Variants in CR1 observed in about 807,000 individuals in gnomAD.
CR1 encodes complement receptor type 1.
In CR1, 116 loss-of-function variants were observed where a neutral mutation model predicts 187.3. That is an observed-to-expected ratio of 0.62 (90% CI 0.53 to 0.72). The LOEUF is 0.72. Among genes scored for constraint, CR1 ranks in the 30% least tolerant of loss-of-function variants. The probability of loss-of-function intolerance (pLI) is 0.00; values close to 1 mark genes in which losing one functional copy is unlikely to be tolerated. For synonymous variants in CR1, 576 were observed against 747.1 expected, an observed-to-expected ratio of 0.77 and a Z score of 3.73; for missense variants, 1,731 against 2,110.7, an observed-to-expected ratio of 0.82 and a Z score of 3.52.
chr1:207,515,159 A>ATATACATG (rs1659756000), intron 4 of CR1, among the ~76,000 whole-genome samples: 1 of 67,404 alleles, frequency 1.5e-5, no homozygotes, highest in African/African-American at 4.8e-5. Flanking sequence ...ATATATACAT[A>ATATACATG]TACATATATA....
At chr1:207,505,753 TTGAACCC>T (rs1303441270) in intron 1 of CR1, 144 bp from the exon 2 acceptor site, 1 of 796,252 alleles carries the variant, frequency 1.3e-6, no homozygotes, top group Non-Finnish European at 1.9e-6. Flanking sequence ...GGACAATTGC[TTGAACCC>T]AAGAGGCGGA....
intron 46 of CR1, among the ~76,000 whole-genome samples, chr1:207,637,093 A>G (rs985628449): frequency 7.9e-5 from 12 of 152,248 alleles, no homozygotes; most frequent in Non-Finnish European, 1.3e-4. Context: ...ATGAGGCCAC[A>G]GTAAGCCTCC....
At chr1:207,504,417 C>G (rs771807028) in intron 1 of CR1, among the ~76,000 whole-genome samples, 8 of 151,422 alleles carry the variant, frequency 5.3e-5, no homozygotes, top group Non-Finnish European at 8.8e-5. Context: ...ATCCTAATAA[C>G]CTCAAAATAT....
At chr1:207,520,309 C>T (rs1013454172) in intron 4 of CR1, among the ~76,000 whole-genome samples, 4 of 152,236 alleles carry the variant, frequency 2.6e-5, no homozygotes, top group African/African-American at 4.8e-5. Context: ...ACTTGACTAG[C>T]GTCCCTGACC....
Position 207,584,829 on chromosome 1 carries a change from G to C in CR1, c.5483G>C (p.Gly1828Ala), listed in dbSNP as rs781014972. ...IRCTSDPHGN[G>A]VWSSPAPRCE... ...TGCACAAGTGACCCTCATGGGAATG[G>C]GGTTTGGAGCAGCCCTGCCCCTCGC... The change falls in exon 33 of 47, where the codon GGG becomes GCG. Residue 1828 changes from glycine (G) to alanine (A), a missense_variant. Transcript: ENST00000367049. 2 of 1,613,942 alleles carry C rather than the reference G, an allele frequency of 1.2e-6. No homozygotes were observed. The highest frequency in any genetic ancestry group is 1.7e-6 in the Non-Finnish European group (2 of 1,179,876).
At chr1:207,622,909 G>C in intron 44 of CR1, 84 bp from the exon 45 acceptor site, 1 of 898,526 alleles carries the variant, frequency 1.1e-6, no homozygotes, top group Non-Finnish European at 1.7e-6. Flanking sequence ...TTGGCAATCT[G>C]TAGTGGGACT....
intron 27 of CR1, among the ~76,000 whole-genome samples, chr1:207,574,089 C>G (rs756928565): frequency 1.6e-4 from 24 of 152,290 alleles, no homozygotes; most frequent in African/African-American, 4.8e-4. Flanking sequence ...GCCTTGATGG[C>G]AACCTGCACT....
At chr1:207,624,941 A>G (rs1662435478) in intron 45 of CR1, among the ~76,000 whole-genome samples, 1 of 152,198 alleles carries the variant, frequency 6.6e-6, no homozygotes, top group African/African-American at 2.4e-5. Flanking sequence ...TCTTGGAAGT[A>G]TTCAAGATAC....
At chr1:207,510,736 T>TCCTA (rs1277656175) in intron 3 of CR1, among the ~76,000 whole-genome samples, 9 of 150,716 alleles carry the variant, frequency 6.0e-5, no homozygotes, top group African/African-American at 2.2e-4. Context: ...CTTCCTTCCT[T>TCCTA]CCTTCCTTCT....
intron 46 of CR1, among the ~76,000 whole-genome samples, chr1:207,638,212 C>T (rs1363453931): frequency 6.6e-6 from 1 of 152,190 alleles, no homozygotes; most frequent in African/African-American, 2.4e-5. Flanking sequence ...GTATGTGAAA[C>T]TTTCCACTGA....
intron 35 of CR1, among the ~76,000 whole-genome samples, chr1:207,589,399 A>G (rs558547154): frequency 6.6e-6 from 1 of 152,250 alleles, no homozygotes; most frequent in African/African-American, 2.4e-5. Context: ...TAACAAACAT[A>G]AAGGAATAGC....
intron 1 of CR1, among the ~76,000 whole-genome samples, chr1:207,498,656 A>T (rs1180603841): frequency 6.6e-6 from 1 of 152,086 alleles, no homozygotes; most frequent in Non-Finnish European, 1.5e-5. Context: ...AGGTGGGTGG[A>T]TCACCTCAAG....
rs371731619 is a variant in CR1, at chr1:207,511,643, C to T, written c.476C>T (p.Pro159Leu). The part of the protein sequence containing the change: ...GDTVIWDNET[P>L]ICDRIPCGLP... Reference sequence around the variant, plus strand: ...ACTGTCATTTGGGATAATGAAACACCTATTTGTGACAGTGAGTTGAAATAT... The same window carrying T: ...ACTGTCATTTGGGATAATGAAACACTTATTTGTGACAGTGAGTTGAAATAT... Residue 159 changes from proline (P) to leucine (L), a missense_variant, in exon 4 of 47, where the codon CCT becomes CTT. Pro to Leu is a moderately conservative substitution (Grantham distance 98). Coordinates refer to ENST00000367049, the MANE Select transcript of CR1 (RefSeq NM_000651.6). 5 of 1,612,390 alleles carry T rather than the reference C, an allele frequency of 3.1e-6. No individual in the cohort carries two copies. In the African/African-American group the frequency reaches 5.3e-5, roughly 17 times the overall value.
chr1:207,544,482 G>C (rs1660255560), intron 13 of CR1, among the ~76,000 whole-genome samples: 1 of 51,508 alleles, frequency 1.9e-5, no homozygotes, highest in Non-Finnish European at 3.6e-5. Context: ...GTCCAGAAAA[G>C]GGAACTGATC....
chr1:207,638,539 A>ACG (rs1662884340), intron 46 of CR1, among the ~76,000 whole-genome samples: 1 of 152,184 alleles, frequency 6.6e-6, no homozygotes, highest in African/African-American at 2.4e-5. Flanking sequence ...ATGGCCTTAC[A>ACG]CGCAGGTCTG....
chr1:207,510,767 T>TTCCTTCCTTCCTTCCTTCCG (rs1659587118), intron 3 of CR1, among the ~76,000 whole-genome samples: 1 of 150,390 alleles, frequency 6.6e-6, no homozygotes, highest in Non-Finnish European at 1.5e-5. Flanking sequence ...CCTTCCTTCC[T>TTCCTTCCTTCCTTCCTTCCG]CCCTCCCTTC....
intron 46 of CR1, among the ~76,000 whole-genome samples, chr1:207,639,059 G>A (rs1231877785): frequency 2.6e-5 from 4 of 152,222 alleles, no homozygotes; most frequent in Non-Finnish European, 5.9e-5. Flanking sequence ...TTGTTGCGGG[G>A]CCTGAGGCTG....
intron 29 of CR1, among the ~76,000 whole-genome samples, chr1:207,578,484 T>C (rs1269135771): frequency 1.3e-5 from 2 of 152,248 alleles, no homozygotes; most frequent in East Asian, 1.9e-4. Context: ...CTCTCTCAAG[T>C]ATATTGAAAA....
chr1:207,526,263 T>A (rs1660167397), intron 5 of CR1, among the ~76,000 whole-genome samples: 1 of 151,990 alleles, frequency 6.6e-6, no homozygotes, highest in African/African-American at 2.4e-5. Flanking sequence ...TGAAAGGAGA[T>A]GAGCATAGAT....
Sources: allele counts gnomAD v4.1 joint callset (sites outside exome capture counted in the v4.1 genomes callset), GRCh38; gene constraint gnomAD v4.1.1; transcripts MANE v1.5; gene names NCBI Gene and HGNC (gene_info 2026-07-23, HGNC 2026-07-21).